CPNE7: variants seen among roughly 807,000 people sequenced by gnomAD.
CPNE7 encodes copine-7.
CPNE7 carries 78 observed loss-of-function variants against 66.5 expected under a neutral mutation model. That is an observed-to-expected ratio of 1.17 (90% confidence interval 0.98 to 1.42). The LOEUF is 1.42. Ranked by LOEUF, CPNE7 falls within the 40% of genes most tolerant of loss-of-function variation. CPNE7 has a pLI of 0.00. For missense variants in CPNE7, 1,012 were observed against 776.6 expected, an observed-to-expected ratio of 1.30 and a Z score of -3.60; for synonymous variants, 468 against 336.7, an observed-to-expected ratio of 1.39 and a Z score of -4.27.
chr16:89,588,890 C>A, intron 10 of CPNE7, 82 bp downstream of exon 10: 1 of 1,562,598 alleles, frequency 6.4e-7, no homozygotes. Context: ...CCCTCACCCC[C>A]CTGGTCTCCA....
rs182211720 is a variant in CPNE7 at position 89,593,299 on chromosome 16, C to T, written c.1302+2039C>T. The stretch of plus-strand genomic sequence containing the variant: ...GCTTTTTAAAAAACTTGGCACTGCA[C>T]ACACACATTTGTGAACCGTCCGAGA... On this transcript the variant is annotated intron_variant, in intron 13 of 14. Transcript: ENST00000319518. 2.3e-3 allele frequency among the ~76,000 whole-genome samples: 348 copies of T among 152,094 alleles called. 4 individuals are homozygous for T. Among genetic ancestry groups the T allele is most frequent in the African/African-American group, 8.0e-3 (331 of 41,458 alleles).
chr16:89,588,229 C>T (rs1193822272), intron 9 of CPNE7, among the ~76,000 whole-genome samples: 1 of 109,706 alleles, frequency 9.1e-6, no homozygotes, highest in African/African-American at 3.4e-5. Context: ...AGATACACGG[C>T]CCCCGTGTCA....
chr16:89,585,699 G>T lies in CPNE7; in HGVS notation c.694G>T (p.Asp232Tyr). The T allele has an allele frequency of 6.4e-7, 1 of 1,552,288 alleles. No individual in the cohort carries two copies. Among genetic ancestry groups the T allele is most frequent in the South Asian group, 1.2e-5 (1 of 84,552 alleles). Reference protein sequence around the residue: ...ETRPLKCLVWDYDSRGKHDFI... With the variant: ...ETRPLKCLVWYYDSRGKHDFI... ...CTGGGCTCCCCAGTGCCTGGTCTGGGATTACGACTCTCGAGGAAAGCACGA... is the reference window on the plus strand; with the variant it reads ...CTGGGCTCCCCAGTGCCTGGTCTGGTATTACGACTCTCGAGGAAAGCACGA... Residue 232 changes from aspartate to tyrosine, a missense_variant, in exon 7 of 15, where the codon GAT becomes TAT. By Grantham distance (160) the Asp-to-Tyr change is radical. Transcript: ENST00000319518.
At chr16:89,586,071 C>G (rs1441308544) in intron 7 of CPNE7, among the ~76,000 whole-genome samples, 1 of 29,264 alleles carries the variant, frequency 3.4e-5, no homozygotes, top group East Asian at 9.2e-4. Flanking sequence ...AGGGGGGCCT[C>G]TGGGGAGGGG....
In CPNE7 at chr16:89,584,758, T is replaced by C. The variant is rs1272454166; in HGVS notation, c.508-16T>C. ...CTCACAGTGCCTGGCCCAGCAGCCC[T>C]TGTGCCTCTCCCCAGGACCTCTTCA... is the stretch of plus-strand genomic sequence containing the variant. On this transcript the variant is annotated splice_polypyrimidine_tract_variant and intron_variant, in intron 4 of 14. Transcript: ENST00000319518. This position sits in a 1 kb window ranked among gnomAD's most constrained non-coding sequence, Gnocchi z 6.0. 6.2e-7 allele frequency: 1 copy of C among 1,606,550 alleles called. No individual in the cohort carries two copies. The highest frequency in any genetic ancestry group is 8.5e-7 in the Non-Finnish European group (1 of 1,174,834).
intron 2 of CPNE7, chr16:89,583,484 G>T (rs139566794): frequency 6.4e-7 from 1 of 1,553,470 alleles, no homozygotes; most frequent in African/African-American, 1.4e-5. Flanking sequence ...TGCTGGCGCC[G>T]TGAGGTGGTG....
Position 89,576,032 on chromosome 16 carries a change from C to G in CPNE7, c.135C>G (p.Ser45Arg). The change falls in exon 1 of 15, where the codon AGC becomes AGG. Residue 45 changes from serine (S) to arginine (R), a missense_variant. By Grantham distance (110) the Ser-to-Arg change is moderately radical (BLOSUM62 -1). Transcript: ENST00000319518. Reference protein sequence around the residue: ...DRDPLTKSDPSVALLQQAQGQ... With the variant: ...DRDPLTKSDPRVALLQQAQGQ... ...ACCCGCTCACCAAGTCCGACCCCAG[C>G]GTGGCGTTGCTGCAGCAGGCGCAGG... 3 of 1,335,278 alleles carry G rather than the reference C, an allele frequency of 2.2e-6. No individual in the cohort carries two copies. Among genetic ancestry groups the G allele is most frequent in the East Asian group, 3.1e-5 (1 of 32,438 alleles). The allele number at this position is 1,335,278 out of a possible 1,614,324, so 82.7% of individuals were successfully genotyped here. A position where few individuals can be genotyped will look rare whatever the true frequency, so the allele number is the denominator to read the frequency against.
chr16:89,587,031 G>A lies in CPNE7; in HGVS notation c.868-12G>A, dbSNP rs368376022. ...CCTGGCGGGGGTGGACGCTGACTCCGCCGGCCGGAAGTTCCACAGGGTGTA... is the reference window on the plus strand; with the variant it reads ...CCTGGCGGGGGTGGACGCTGACTCCACCGGCCGGAAGTTCCACAGGGTGTA... On this transcript the variant is annotated splice_polypyrimidine_tract_variant and intron_variant, in intron 8 of 14. Coordinates refer to ENST00000319518, the MANE Select transcript of CPNE7 (RefSeq NM_153636.3). 58 of 1,573,942 alleles carry A rather than the reference G, an allele frequency of 3.7e-5. No homozygotes were observed. Among genetic ancestry groups the A allele is most frequent in the South Asian group, 2.2e-4 (19 of 86,234 alleles).
intron 13 of CPNE7, among the ~76,000 whole-genome samples, chr16:89,591,555 G>T (rs572457873): frequency 4.6e-5 from 7 of 152,312 alleles, no homozygotes; most frequent in Admixed American, 2.0e-4. Context: ...CTACTGTTTG[G>T]CTGTGTGTGT....
intron 14 of CPNE7, among the ~76,000 whole-genome samples, chr16:89,596,283 G>A (rs187157618): frequency 6.6e-6 from 1 of 152,222 alleles, no homozygotes; most frequent in Non-Finnish European, 1.5e-5. Flanking sequence ...TCCGTGCTTG[G>A]GGGGCTGGAA....
chr16:89,593,439 G>A (rs541282160), intron 13 of CPNE7, among the ~76,000 whole-genome samples: 7 of 150,916 alleles, frequency 4.6e-5, no homozygotes, highest in Non-Finnish European at 8.8e-5. Flanking sequence ...TGCAAGCTCC[G>A]CCTCCCGGGT....
chr16:89,577,493 G>A (rs1408432175), intron 1 of CPNE7, 46 bp from the exon 2 acceptor site: 1 of 1,541,140 alleles, frequency 6.5e-7, no homozygotes. Context: ...CTGGAGCCCG[G>A]GGTGGAAGCC....
In CPNE7 at chr16:89,589,501, C is replaced by T. The variant is rs531261440; in HGVS notation, c.1062-396C>T. Among the ~76,000 whole-genome samples, 38 of 152,298 alleles carry T rather than the reference C, an allele frequency of 2.5e-4. 1 individual carries two copies. The South Asian group carries it at 7.3e-3, about 29-fold the overall frequency. On this transcript the variant is annotated intron_variant, in intron 10 of 14. Transcript: ENST00000319518. The stretch of plus-strand genomic sequence containing the variant: ...TCTGAGCTTCTTACCACAACACAGA[C>T]CCCTGGCCTGGGGCTTGGGAGAGGA...
chr16:89,595,340 T>G, intron 13 of CPNE7, 27 bp from the exon 14 acceptor site: 1 of 1,536,720 alleles, frequency 6.5e-7, no homozygotes, highest in Non-Finnish European at 8.8e-7. Context: ...AGGTGTGGTG[T>G]TGCTGATGCC....
intron 9 of CPNE7, 48 bp downstream of exon 9, chr16:89,587,150 G>A (rs754748365): frequency 6.9e-6 from 3 of 435,470 alleles, no homozygotes; most frequent in African/African-American, 8.8e-5. Flanking sequence ...CCGTGGCCCC[G>A]CCCCGCCCCG....
At position 89,596,665 on chromosome 16, in the gene CPNE7, T is replaced by C. The variant is rs746283273; in HGVS notation, c.*44T>C. On this transcript the variant is annotated 3_prime_UTR_variant, in exon 15 of 15. Coordinates refer to ENST00000319518, the MANE Select transcript of CPNE7 (RefSeq NM_153636.3). ...GTGGGGGCAGTGAGGAATGGGTCCG[T>C]ACAGCCTCTGTCTGCAACATGCTTG... The C allele has an allele frequency of 1.6e-4, 244 of 1,520,480 alleles. 4 individuals carry two copies. The highest frequency in any genetic ancestry group is 2.8e-5 in the African/African-American group (2 of 71,900). 94.2% of individuals were successfully genotyped at this position (1,520,480 alleles called of 1,614,324 possible). A position where few individuals can be genotyped will look rare whatever the true frequency, so the allele number is the denominator to read the frequency against.
intron 3 of CPNE7, 60 bp downstream of exon 3, chr16:89,583,831 T>C (rs2058993745): frequency 1.9e-6 from 3 of 1,587,132 alleles, no homozygotes; most frequent in Non-Finnish European, 2.6e-6. Context: ...CCGAGGGGTG[T>C]TGTGGGCGGA....
In CPNE7 at chr16:89,585,681, C is replaced by T. The variant is rs371145328; in HGVS notation, c.682-6C>T. ...CAGCAGTGCTGAGGAGGACTGGGCT[C>T]CCCAGTGCCTGGTCTGGGATTACGA... On this transcript the variant is annotated splice_region_variant and splice_polypyrimidine_tract_variant and intron_variant, in intron 6 of 14. Transcript: ENST00000319518. The T allele has an allele frequency of 5.8e-6, 9 of 1,552,590 alleles. No individual in the cohort carries two copies. The highest frequency in any genetic ancestry group is 7.8e-6 in the Non-Finnish European group (9 of 1,147,404).
chr16:89,581,459 C>A (rs753150533), intron 2 of CPNE7, among the ~76,000 whole-genome samples: 3 of 152,198 alleles, frequency 2.0e-5, no homozygotes, highest in African/African-American at 7.2e-5. Flanking sequence ...TGAATCACAG[C>A]GCGTGTTCTC....
Sources: allele counts gnomAD v4.1 joint callset (sites outside exome capture counted in the v4.1 genomes callset), GRCh38; gene constraint gnomAD v4.1.1; non-coding constraint Gnocchi (gnomAD v3.1); transcripts MANE v1.5; gene names NCBI Gene and HGNC (gene_info 2026-07-23, HGNC 2026-07-21).